The following NTM variants were observed in gnomAD, a reference collection of about 807,000 sequenced individuals.
The protein encoded by NTM is IgLON family member 2.
A neutral mutation model predicts 42.1 loss-of-function variants in NTM; 13 were observed. The observed-to-expected ratio is 0.31, with a 90% CI of 0.20 to 0.49. The LOEUF is 0.49. NTM is among the 20% of genes least tolerant of loss of function. The pLI, the probability that NTM is intolerant of heterozygous loss-of-function variation, is 0.99. For synonymous variants in NTM, 187 were observed against 179.2 expected, an observed-to-expected ratio of 1.04 and a Z score of -0.35; for missense variants, 373 against 452.8, an observed-to-expected ratio of 0.82 and a Z score of 1.60.
chr11:131,671,418 C>T, intron 1 of NTM: 1 of 985,338 alleles, frequency 1.0e-6, no homozygotes, highest in South Asian at 4.7e-5. Flanking sequence ...TTCACAGGAT[C>T]CACCACAGCT....
At chr11:131,615,984 G>T (rs542105489) in intron 1 of NTM, among the ~76,000 whole-genome samples, 1 of 152,364 alleles carries the variant, frequency 6.6e-6, no homozygotes, top group African/African-American at 2.4e-5. Flanking sequence ...GCTAAGCGTG[G>T]CTGGGTGAGT....
chr11:131,857,766 G>A (rs1260037003), intron 1 of NTM, among the ~76,000 whole-genome samples: 1 of 152,068 alleles, frequency 6.6e-6, no homozygotes, highest in East Asian at 1.9e-4. Flanking sequence ...TTTAGTCTAT[G>A]TTATTGTCTC....
At chr11:131,444,787 G>C (rs1949916275) in intron 1 of NTM, among the ~76,000 whole-genome samples, 1 of 152,154 alleles carries the variant, frequency 6.6e-6, no homozygotes. Flanking sequence ...GGAATCAGTT[G>C]ATCTAACAGG....
chr11:131,831,640 G>A (rs2042832414), intron 1 of NTM, among the ~76,000 whole-genome samples: 1 of 152,126 alleles, frequency 6.6e-6, no homozygotes, highest in African/African-American at 2.4e-5. Context: ...AAACTTTTTA[G>A]ATCTTAAAGC....
At chr11:131,933,909 C>T (rs1343536794) in intron 2 of NTM, among the ~76,000 whole-genome samples, 4 of 143,726 alleles carry the variant, frequency 2.8e-5, no homozygotes, top group South Asian at 2.1e-4. Context: ...TACAAAGTGC[C>T]CTACATATTA....
At chr11:131,781,160 G>A (rs2088036740) in intron 1 of NTM, among the ~76,000 whole-genome samples, 1 of 151,800 alleles carries the variant, frequency 6.6e-6, no homozygotes, top group African/African-American at 2.4e-5. Context: ...AATATTTCAG[G>A]AAACCATAAA....
Position 132,146,962 on chromosome 11 carries a change from C to A in NTM, c.400+448C>A. ...AGCCTTGAACGAAAGCAGAGCCAAC[C>A]AGGATGCACTGGGCACTGCCCTCAG... On this transcript the variant is annotated intron_variant, in intron 3 of 8. Coordinates refer to ENST00000683400, the MANE Select transcript of NTM (RefSeq NM_001352005.2). This position sits in a 1 kb window ranked among gnomAD's most constrained non-coding sequence, Gnocchi z 4.5. The A allele has an allele frequency of 5.6e-6, 1 of 178,250 alleles. No homozygotes were observed. Among genetic ancestry groups the A allele is most frequent in the Non-Finnish European group, 1.2e-5 (1 of 84,960 alleles). 11.0% of individuals were successfully genotyped at this position (178,250 alleles called of 1,614,324 possible).
At chr11:131,898,458 TC>T (rs1427989990) in intron 1 of NTM, among the ~76,000 whole-genome samples, 1 of 152,246 alleles carries the variant, frequency 6.6e-6, no homozygotes, top group African/African-American at 2.4e-5. Flanking sequence ...TAAGACACTC[TC>T]CCCTTTTCTG....
intron 1 of NTM, among the ~76,000 whole-genome samples, chr11:131,608,397 ATCCT>A (rs1300415453): frequency 2.0e-5 from 3 of 152,242 alleles, no homozygotes; most frequent in Non-Finnish European, 4.4e-5. Context: ...TCAGGAAATC[ATCCT>A]TCCTTTACCA....
At chr11:132,160,550 G>A (rs933075509) in intron 3 of NTM, among the ~76,000 whole-genome samples, 5 of 152,176 alleles carry the variant, frequency 3.3e-5, no homozygotes, top group East Asian at 1.9e-4. Flanking sequence ...CAGGCATCAC[G>A]CTACACTCAC....
intron 1 of NTM, among the ~76,000 whole-genome samples, chr11:131,852,758 T>G (rs557377334): frequency 6.6e-6 from 1 of 152,220 alleles, no homozygotes; most frequent in South Asian, 2.1e-4. Context: ...CACTCATCCA[T>G]CCAACTATTC....
intron 2 of NTM, among the ~76,000 whole-genome samples, chr11:132,130,663 C>T (rs1003066349): frequency 1.3e-5 from 2 of 152,170 alleles, no homozygotes; most frequent in African/African-American, 4.8e-5. Flanking sequence ...CTGGACCTTT[C>T]CTCTCTCCAT....
intron 3 of NTM, among the ~76,000 whole-genome samples, chr11:132,202,186 A>G (rs1401343884): frequency 6.6e-6 from 1 of 152,182 alleles, no homozygotes; most frequent in Non-Finnish European, 1.5e-5. Flanking sequence ...GACATTCTCC[A>G]TGATGGTTTT....
At chr11:131,617,477 A>G (rs1440112980) in intron 1 of NTM, among the ~76,000 whole-genome samples, 2 of 152,172 alleles carry the variant, frequency 1.3e-5, no homozygotes, top group Admixed American at 1.3e-4. Flanking sequence ...CTGGCCATGG[A>G]GCAACTATCT....
chr11:132,136,373 T>G (rs1366398175), intron 2 of NTM, among the ~76,000 whole-genome samples: 22 of 152,196 alleles, frequency 1.4e-4, no homozygotes, highest in Admixed American at 1.4e-3. Context: ...GGTCACTTAG[T>G]GAGAGAACAG....
chr11:131,753,976 T>G (rs553166797), intron 1 of NTM, among the ~76,000 whole-genome samples: 1 of 152,134 alleles, frequency 6.6e-6, no homozygotes, highest in Admixed American at 6.5e-5. Context: ...GTTCTTGTCC[T>G]TTGTAGTGAC....
intron 1 of NTM, among the ~76,000 whole-genome samples, chr11:131,613,259 C>T (rs74586275): frequency 2.6e-5 from 4 of 152,182 alleles, no homozygotes; most frequent in Admixed American, 6.5e-5. Context: ...CAAGCAGACC[C>T]TGATGCCCTC....
At chr11:132,127,651 G>T (rs891149594) in intron 2 of NTM, among the ~76,000 whole-genome samples, 1 of 152,220 alleles carries the variant, frequency 6.6e-6, no homozygotes, top group Non-Finnish European at 1.5e-5. Flanking sequence ...TCCCTCCACT[G>T]CTTCCCCAAA....
intron 1 of NTM, among the ~76,000 whole-genome samples, chr11:131,473,261 G>A (rs939461283): frequency 2.0e-5 from 3 of 152,008 alleles, no homozygotes; most frequent in African/African-American, 7.3e-5. Flanking sequence ...GGCAGGCAGG[G>A]GTACCTTGGG....
Sources: allele counts gnomAD v4.1 joint callset (sites outside exome capture counted in the v4.1 genomes callset), GRCh38; gene constraint gnomAD v4.1.1; non-coding constraint Gnocchi (gnomAD v3.1); transcripts MANE v1.5; gene names NCBI Gene and HGNC (gene_info 2026-07-23, HGNC 2026-07-21).